CADM2: variants seen among roughly 807,000 people sequenced by gnomAD.
The protein encoded by CADM2 is immunoglobulin superfamily member 4D.
In CADM2, 12 loss-of-function variants were observed where a neutral mutation model predicts 49.8. The ratio of observed to expected loss-of-function variants is 0.24; its 90% confidence interval spans 0.15 to 0.39. CADM2 has a LOEUF of 0.39. CADM2 is among the 10% of genes least tolerant of loss of function. CADM2 has a pLI of 1.00. For synonymous variants in CADM2, 214 were observed against 175.4 expected (o/e 1.22, Z -1.74); for missense variants, 378 against 492.3 (o/e 0.77, Z 2.20).
chr3:85,415,419 C>CAAAAA (rs111449069), intron 1 of CADM2, among the ~76,000 whole-genome samples: 7 of 145,354 alleles, frequency 4.8e-5, no homozygotes, highest in South Asian at 2.1e-4. Flanking sequence ...CAGCTTTTGC[C>CAAAAA]AAAAAAAAAA....
intron 1 of CADM2, among the ~76,000 whole-genome samples, chr3:85,255,721 C>T (rs891514471): frequency 4.0e-5 from 6 of 151,884 alleles, no homozygotes; most frequent in Admixed American, 1.3e-4. Context: ...CACCCATTAC[C>T]GGATTTAGAT....
intron 1 of CADM2, among the ~76,000 whole-genome samples, chr3:85,624,162 G>A (rs2064056025): frequency 6.6e-6 from 1 of 152,008 alleles, no homozygotes; most frequent in Non-Finnish European, 1.5e-5. Flanking sequence ...GATATTCATG[G>A]TAATTTAACT....
At chr3:85,590,368 A>G (rs762093751) in intron 1 of CADM2, among the ~76,000 whole-genome samples, 14 of 151,984 alleles carry the variant, frequency 9.2e-5, no homozygotes, top group Non-Finnish European at 1.9e-4. Context: ...TAAGCGCTTT[A>G]TAGTACTTGA....
chr3:85,859,213 CTTTTT>C (rs1386491585), intron 3 of CADM2, among the ~76,000 whole-genome samples: 1 of 97,994 alleles, frequency 1.0e-5, no homozygotes, highest in African/African-American at 3.6e-5. Flanking sequence ...TTGTGCTTTT[CTTTTT>C]TTTGTCTTTT....
chr3:85,505,902 T>C (rs992605794), intron 1 of CADM2, among the ~76,000 whole-genome samples: 3 of 152,226 alleles, frequency 2.0e-5, no homozygotes, highest in African/African-American at 7.2e-5. Context: ...GTTTTTTTGG[T>C]ATGTTAAATT....
chr3:85,010,101 A>G (rs2033919717), intron 1 of CADM2, among the ~76,000 whole-genome samples: 1 of 152,122 alleles, frequency 6.6e-6, no homozygotes, highest in African/African-American at 2.4e-5. Context: ...AAGATTTTGA[A>G]GGAAATAATT....
chr3:85,244,652 A>G (rs1251574941), intron 1 of CADM2, among the ~76,000 whole-genome samples: 1 of 152,140 alleles, frequency 6.6e-6, no homozygotes, highest in East Asian at 1.9e-4. Flanking sequence ...ATACAATTCA[A>G]TTCCTCTCCA....
intron 3 of CADM2, among the ~76,000 whole-genome samples, chr3:85,805,993 C>T (rs1191398640): frequency 6.6e-6 from 1 of 152,180 alleles, no homozygotes; most frequent in African/African-American, 2.4e-5. Context: ...CAAACACAGT[C>T]TTCCAGCGGT....
intron 1 of CADM2, among the ~76,000 whole-genome samples, chr3:85,305,237 A>G (rs2044185875): frequency 6.6e-6 from 1 of 151,618 alleles, no homozygotes; most frequent in African/African-American, 2.4e-5. Flanking sequence ...ACATCATGAG[A>G]TTATTTAGTT....
intron 3 of CADM2, among the ~76,000 whole-genome samples, chr3:85,847,341 T>C (rs2074925511): frequency 1.3e-5 from 2 of 152,158 alleles, no homozygotes; most frequent in African/African-American, 4.8e-5. Context: ...AAGTCAACCA[T>C]TTTCACCATA....
chr3:85,808,901 A>C (rs1428680473), intron 3 of CADM2, among the ~76,000 whole-genome samples: 1 of 152,206 alleles, frequency 6.6e-6, no homozygotes, highest in Admixed American at 6.5e-5. Context: ...AAAGAGAAGA[A>C]AAATGAGATG....
intron 1 of CADM2, among the ~76,000 whole-genome samples, chr3:85,460,111 G>A (rs1176218576): frequency 5.9e-5 from 9 of 151,976 alleles, no homozygotes; most frequent in African/African-American, 2.4e-5. Flanking sequence ...TGTACAAAAC[G>A]AGCTTGTAGA....
At chr3:85,979,611 A>T (rs767134969) in intron 8 of CADM2, among the ~76,000 whole-genome samples, 1 of 151,636 alleles carries the variant, frequency 6.6e-6, no homozygotes, top group Non-Finnish European at 1.5e-5. Flanking sequence ...AATAAATAAG[A>T]TGTTCATGTG....
intron 1 of CADM2, among the ~76,000 whole-genome samples, chr3:85,535,106 C>T (rs1343363505): frequency 6.6e-6 from 1 of 152,094 alleles, no homozygotes; most frequent in Admixed American, 6.6e-5. Flanking sequence ...TATTTACAGA[C>T]TCGATTGCAC....
intron 1 of CADM2, among the ~76,000 whole-genome samples, chr3:84,984,378 A>AAAC (rs1553664102): frequency 1.5e-5 from 2 of 129,082 alleles, no homozygotes; most frequent in African/African-American, 5.3e-5. Context: ...AAAAAAAAAA[A>AAAC]AAAAAAACAC....
At chr3:85,982,790 A>G (rs1417194899) in intron 8 of CADM2, among the ~76,000 whole-genome samples, 1 of 151,708 alleles carries the variant, frequency 6.6e-6, no homozygotes, top group Admixed American at 6.6e-5. Flanking sequence ...GTTCAAAATC[A>G]TGATTAAAAA....
At chr3:85,084,877 T>C (rs779180959) in intron 1 of CADM2, among the ~76,000 whole-genome samples, 4 of 152,122 alleles carry the variant, frequency 2.6e-5, no homozygotes, top group African/African-American at 2.4e-5. Flanking sequence ...ATTTTATAGA[T>C]TCTTAATGAT....
intron 6 of CADM2, among the ~76,000 whole-genome samples, chr3:85,919,290 A>T (rs911047104): frequency 6.6e-6 from 1 of 152,004 alleles, no homozygotes; most frequent in African/African-American, 2.4e-5. Context: ...GAAAGTTATT[A>T]CTGTTTAAAG....
At chr3:85,114,615 C>G (rs569952520) in intron 1 of CADM2, among the ~76,000 whole-genome samples, 2 of 152,160 alleles carry the variant, frequency 1.3e-5, no homozygotes, top group African/African-American at 4.8e-5. Flanking sequence ...CTCTATAGTG[C>G]TTGTTGTCAT....
Sources: gnomAD v4.1 joint callset for allele counts (sites outside exome capture counted in the v4.1 genomes callset) on GRCh38, gnomAD v4.1.1 for gene constraint, MANE v1.5 for transcripts, NCBI Gene and HGNC (gene_info 2026-07-23, HGNC 2026-07-21) for gene names.